MAOB: variants seen among roughly 807,000 people sequenced by gnomAD.
MAOB encodes the protein monoamine oxidase B.
A neutral mutation model predicts 41.9 loss-of-function variants in MAOB; 15 were observed. That is an observed-to-expected ratio of 0.36 (90% CI 0.24 to 0.55). The LOEUF is 0.55. Among genes scored for constraint, MAOB ranks in the 20% least tolerant of loss-of-function variants. The pLI, the probability that MAOB is intolerant of heterozygous loss-of-function variation, is 0.86. For missense variants in MAOB, 345 were observed against 398.7 expected, an observed-to-expected ratio of 0.87 and a Z score of 1.15; for synonymous variants, 167 against 144.2, an observed-to-expected ratio of 1.16 and a Z score of -1.13.
intron 1 of MAOB, among the ~76,000 whole-genome samples, chrX:43,868,626 T>C (rs1319644729): frequency 9.0e-6 from 1 of 111,195 alleles, no homozygotes; most frequent in Non-Finnish European, 1.9e-5. Context: ...ATTTTACTTA[T>C]ACCCCTTATA....
intron 10 of MAOB, among the ~76,000 whole-genome samples, chrX:43,778,992 C>T (rs1450312444): frequency 8.9e-6 from 1 of 111,772 alleles, no homozygotes; most frequent in Non-Finnish European, 1.9e-5. Flanking sequence ...TTGCCTGAAT[C>T]ATGGTATTAT....
At chrX:43,768,944 C>A (rs1193784137) in intron 13 of MAOB, among the ~76,000 whole-genome samples, 5 of 111,434 alleles carry the variant, frequency 4.5e-5, no homozygotes, top group Non-Finnish European at 7.5e-5. Context: ...ATGAACACAC[C>A]TCAAATAGGG....
intron 1 of MAOB, among the ~76,000 whole-genome samples, chrX:43,879,532 C>G (rs1009270539): frequency 7.2e-5 from 8 of 111,681 alleles, no homozygotes; most frequent in African/African-American, 2.3e-4. Flanking sequence ...ATTTGTAACC[C>G]CAATTTCATT....
chrX:43,777,806 A>G (rs1342715014), intron 11 of MAOB, among the ~76,000 whole-genome samples: 1 of 112,275 alleles, frequency 8.9e-6, no homozygotes, highest in Non-Finnish European at 1.9e-5. Context: ...ATTGTCTTCA[A>G]ATGCTTCACA....
intron 9 of MAOB, among the ~76,000 whole-genome samples, chrX:43,780,987 C>G (rs1226140006): frequency 4.5e-5 from 5 of 111,357 alleles, no homozygotes; most frequent in Non-Finnish European, 9.4e-5. Flanking sequence ...GTCTTCCCTT[C>G]CCACGTGCTG....
intron 1 of MAOB, among the ~76,000 whole-genome samples, chrX:43,859,951 G>T (rs2035321277): frequency 8.9e-6 from 1 of 111,965 alleles, no homozygotes; most frequent in African/African-American, 3.2e-5. Flanking sequence ...CACTGAGACT[G>T]CTCTTGTCAA....
chrX:43,867,197 C>A lies in MAOB; in HGVS notation c.46+15057G>T, dbSNP rs2035370903. ...AATGTCAAGACTCTTGGCTGGAAAC[C>A]TGGCCAGAATATGGTTCCACTTCCT... is the stretch of plus-strand genomic sequence containing the variant. On this transcript the variant is annotated intron_variant, in intron 1 of 14. Coordinates refer to ENST00000378069, the MANE Select transcript of MAOB (RefSeq NM_000898.5). Among the ~76,000 whole-genome samples the A allele has an allele frequency of 3.6e-5, 4 of 111,936 alleles. No homozygotes were observed. In the South Asian group the frequency reaches 1.5e-3, roughly 42 times the overall value.
intron 8 of MAOB, among the ~76,000 whole-genome samples, chrX:43,786,361 T>G (rs1399302109): frequency 9.0e-6 from 1 of 111,501 alleles, no homozygotes; most frequent in East Asian, 2.8e-4. Flanking sequence ...CCCCAACATG[T>G]GTGCATACGT....
At chrX:43,851,547 T>C (rs761848366) in intron 1 of MAOB, among the ~76,000 whole-genome samples, 3 of 111,831 alleles carry the variant, frequency 2.7e-5, no homozygotes, top group African/African-American at 6.5e-5. Context: ...ACTATGATAG[T>C]AGCCCTCCTA....
intron 8 of MAOB, among the ~76,000 whole-genome samples, chrX:43,784,880 G>A (rs1480667806): frequency 8.9e-6 from 1 of 112,386 alleles, no homozygotes; most frequent in African/African-American, 3.2e-5. Flanking sequence ...GGGTGTGGTG[G>A]CTCTTGCCTG....
intron 2 of MAOB, among the ~76,000 whole-genome samples, chrX:43,843,357 TCACACA>T (rs61018201): frequency 0.15 from 12,165 of 83,491 alleles, 825 homozygotes; most frequent in South Asian, 0.18. Context: ...TCTCTCTGTC[TCACACA>T]CACACACACA....
chrX:43,879,187 C>A (rs1017182862), intron 1 of MAOB, among the ~76,000 whole-genome samples: 1 of 111,762 alleles, frequency 8.9e-6, no homozygotes, highest in Non-Finnish European at 1.9e-5. Flanking sequence ...AGTGCATACT[C>A]ATTTATACAC....
intron 11 of MAOB, among the ~76,000 whole-genome samples, 169 bp downstream of exon 11, chrX:43,778,513 A>G (rs1447234389): frequency 9.0e-6 from 1 of 111,332 alleles, no homozygotes; most frequent in Non-Finnish European, 1.9e-5. Context: ...CAGGGCCCAC[A>G]CTCTCTGGAA....
At chrX:43,792,508 C>T (rs1354922811) in intron 8 of MAOB, among the ~76,000 whole-genome samples, 1 of 111,485 alleles carries the variant, frequency 9.0e-6, no homozygotes, top group Non-Finnish European at 1.9e-5. Context: ...ACCAAATAAC[C>T]CCATTAAAAA....
At chrX:43,825,734 G>A (rs1426222706) in intron 3 of MAOB, among the ~76,000 whole-genome samples, 1 of 112,198 alleles carries the variant, frequency 8.9e-6, no homozygotes, top group African/African-American at 3.2e-5. Context: ...GATTTTGAAA[G>A]CCAAAGCTTT....
intron 3 of MAOB, among the ~76,000 whole-genome samples, chrX:43,826,801 C>T (rs1007829042): frequency 9.0e-6 from 1 of 111,423 alleles, no homozygotes; most frequent in Admixed American, 9.6e-5. Context: ...GCAATAACAG[C>T]AACAATTAAT....
In MAOB at chrX:43,882,244, C is replaced by T; in HGVS notation, c.46+10G>A. ...GTGAAGAGGAAGGAGGGCGCACAGCCGCGACTAACCTGAGATGCCGCCCCC... is the reference window on the plus strand; with the variant it reads ...GTGAAGAGGAAGGAGGGCGCACAGCTGCGACTAACCTGAGATGCCGCCCCC... On this transcript the variant is annotated intron_variant, in intron 1 of 14. Transcript: ENST00000378069. The T allele has an allele frequency of 1.7e-6, 2 of 1,209,157 alleles. No individual in the cohort carries two copies. The highest frequency in any genetic ancestry group is 2.2e-6 in the Non-Finnish European group (2 of 894,454).
chrX:43,799,006 C>G (rs772161119), intron 5 of MAOB, among the ~76,000 whole-genome samples: 51 of 111,918 alleles, frequency 4.6e-4, no homozygotes, highest in African/African-American at 1.6e-3. Context: ...AATTAGTCAG[C>G]TGACAGCCTT....
intron 1 of MAOB, among the ~76,000 whole-genome samples, chrX:43,854,173 C>G (rs1458147379): frequency 8.9e-6 from 1 of 111,779 alleles, no homozygotes. Context: ...CCTGTTGGAA[C>G]TGGGAAATGG....
Sources: gnomAD v4.1 joint callset for allele counts (sites outside exome capture counted in the v4.1 genomes callset) on GRCh38, gnomAD v4.1.1 for gene constraint, MANE v1.5 for transcripts, NCBI Gene and HGNC (gene_info 2026-07-23, HGNC 2026-07-21) for gene names.